MAPK14: variants seen among roughly 807,000 people sequenced by gnomAD.
MAPK14 encodes the protein CSAID-binding protein.
In MAPK14, 16 loss-of-function variants were observed where a neutral mutation model predicts 49.6. That is an observed-to-expected ratio of 0.32 (90% confidence interval 0.22 to 0.49). MAPK14 has a LOEUF of 0.49. MAPK14 is among the 20% of genes least tolerant of loss of function. The pLI is 0.99. For missense variants in MAPK14, 200 were observed against 441.2 expected (o/e 0.45, Z 4.90); for synonymous variants, 142 against 158.0 (o/e 0.90, Z 0.76).
At chr6:36,094,748 G>A (rs1765380326) in intron 8 of MAPK14, among the ~76,000 whole-genome samples, 1 of 152,186 alleles carries the variant, frequency 6.6e-6, no homozygotes, top group Non-Finnish European at 1.5e-5. Context: ...AGTGGCCCCT[G>A]TCCTCGTAGA....
intron 8 of MAPK14, among the ~76,000 whole-genome samples, chr6:36,087,892 G>C (rs535881623): frequency 6.6e-6 from 1 of 152,020 alleles, no homozygotes; most frequent in Non-Finnish European, 1.5e-5. Context: ...ACTATACTAC[G>C]AGGCTACAGT....
At chr6:36,120,864 A>G in the MAPK14 span, among the ~76,000 whole-genome samples, 1 of 152,180 alleles carries the variant, frequency 6.6e-6, no homozygotes, top group Admixed American at 6.5e-5. Context: ...GGTTGAATGG[A>G]TTAAGGCTTT....
chr6:36,043,701 C>T (rs558550108), intron 1 of MAPK14, among the ~76,000 whole-genome samples: 4 of 151,210 alleles, frequency 2.6e-5, no homozygotes, highest in African/African-American at 9.7e-5. Flanking sequence ...TATCCTGATT[C>T]AGTTGGAAAA....
At chr6:36,069,920 C>T (rs532955863) in intron 3 of MAPK14, among the ~76,000 whole-genome samples, 79 of 152,252 alleles carry the variant, frequency 5.2e-4, no homozygotes, top group Middle Eastern at 3.4e-3. Context: ...TTTGTCTCTT[C>T]TCCATAAAAT....
At chr6:36,091,859 TTC>T in intron 8 of MAPK14, 1 of 173,634 alleles carries the variant, frequency 5.8e-6, no homozygotes, top group South Asian at 1.2e-4. Context: ...TTTTTTTTTT[TTC>T]ATTTTTTGCT....
intron 1 of MAPK14, among the ~76,000 whole-genome samples, chr6:36,052,125 G>A (rs1763423142): frequency 6.6e-6 from 1 of 152,058 alleles, no homozygotes; most frequent in African/African-American, 2.4e-5. Context: ...ATTCCCTGAA[G>A]GTGCCAAGTA....
intron 4 of MAPK14, 189 bp downstream of exon 4, chr6:36,073,173 A>G (rs147940500): frequency 1.8e-4 from 105 of 574,908 alleles, no homozygotes; most frequent in African/African-American, 1.8e-3. Context: ...CATATGGCCA[A>G]TCATGTTTCT....
At chr6:36,122,729 A>G in the MAPK14 span, among the ~76,000 whole-genome samples, 2 of 152,178 alleles carry the variant, frequency 1.3e-5, no homozygotes, top group Admixed American at 1.3e-4. Flanking sequence ...CAGAGGGAGC[A>G]CCATGCACAA....
chr6:36,042,645 G>A (rs1033876071), intron 1 of MAPK14, among the ~76,000 whole-genome samples: 4 of 150,462 alleles, frequency 2.7e-5, no homozygotes, highest in African/African-American at 9.8e-5. Context: ...GGTGTGTGCC[G>A]CCATGCCCAC....
At chr6:36,075,750 T>C (rs1764505740) in intron 6 of MAPK14, 98 bp from the exon 7 acceptor site, 14 of 1,534,660 alleles carry the variant, frequency 9.1e-6, no homozygotes, top group Non-Finnish European at 1.2e-5. Flanking sequence ...TCCTTTTTAA[T>C]AAGGCAACAG....
At chr6:36,031,488 C>G (rs1049052316) in intron 1 of MAPK14, among the ~76,000 whole-genome samples, 2 of 151,424 alleles carry the variant, frequency 1.3e-5, no homozygotes, top group Non-Finnish European at 2.9e-5. Context: ...TCACTATAAC[C>G]TCCACCTCAT....
chr6:36,076,042 G>T, intron 7 of MAPK14, 80 bp downstream of exon 7: 1 of 1,433,794 alleles, frequency 7.0e-7, no homozygotes, highest in Middle Eastern at 1.8e-4. Context: ...TAGAGATGGT[G>T]GGAGTGGGAA....
At chr6:36,044,910 G>A (rs1763112189) in intron 1 of MAPK14, among the ~76,000 whole-genome samples, 1 of 152,100 alleles carries the variant, frequency 6.6e-6, no homozygotes, top group East Asian at 1.9e-4. Context: ...AAGGCAGGAG[G>A]ATCACTTAGC....
Position 36,107,315 on chromosome 6 carries a change from G to A in MAPK14, c.842-140G>A, listed in dbSNP as rs1717702368. ...ACATACACACATAAAGGAGAAGAGG[G>A]CTAATATATCCTAGAGTAGGTATTT... On this transcript the variant is annotated intron_variant, in intron 10 of 11. Transcript: ENST00000229794. The surrounding 1 kb of genome is among the most constrained non-coding windows in gnomAD (Gnocchi z 4.3). 3 of 515,732 alleles carry A rather than the reference G, an allele frequency of 5.8e-6. No homozygotes were observed. Among genetic ancestry groups the A allele is most frequent in the Admixed American group, 7.0e-5 (2 of 28,458 alleles). The allele number at this position is 515,732 out of a possible 1,614,324, so 31.9% of individuals were successfully genotyped here.
chr6:36,049,131 C>G (rs1763299296), intron 1 of MAPK14, among the ~76,000 whole-genome samples: 1 of 152,222 alleles, frequency 6.6e-6, no homozygotes, highest in Non-Finnish European at 1.5e-5. Context: ...GATTTGGTAG[C>G]AGAGGTCATT....
intron 8 of MAPK14, among the ~76,000 whole-genome samples, chr6:36,081,201 C>G (rs533729719): frequency 3.5e-4 from 53 of 151,704 alleles, no homozygotes; most frequent in Non-Finnish European, 6.0e-4. Flanking sequence ...TTTTTCTGTC[C>G]TTGCTCATGC....
intron 3 of MAPK14, among the ~76,000 whole-genome samples, chr6:36,064,440 C>A (rs1763964717): frequency 6.6e-6 from 1 of 152,018 alleles, no homozygotes; most frequent in African/African-American, 2.4e-5. Context: ...TTTACAAGTT[C>A]CCATCCCAGG....
downstream of MAPK14, among the ~76,000 whole-genome samples, chr6:36,111,710 G>T (rs978208124): frequency 6.6e-6 from 1 of 152,148 alleles, no homozygotes; most frequent in African/African-American, 2.4e-5. Flanking sequence ...ACACCCAGCA[G>T]GTGTCCCAGG....
At chr6:36,108,326 A>C in intron 11 of MAPK14, 54 bp from the exon 12 acceptor site, 7 of 1,372,008 alleles carry the variant, frequency 5.1e-6, no homozygotes, top group Non-Finnish European at 7.3e-6. Flanking sequence ...AGTGCTTGCC[A>C]GCAAAGAGAA....
Sources: allele counts gnomAD v4.1 joint callset (sites outside exome capture counted in the v4.1 genomes callset), GRCh38; gene constraint gnomAD v4.1.1; non-coding constraint Gnocchi (gnomAD v3.1); transcripts MANE v1.5; gene names NCBI Gene and HGNC (gene_info 2026-07-23, HGNC 2026-07-21).